TMEM255A: variants seen among roughly 807,000 people sequenced by gnomAD.
The protein encoded by TMEM255A is transmembrane protein 255A, also known as family with sequence similarity 70, member A.
A neutral mutation model predicts 23.5 loss-of-function variants in TMEM255A; 14 were observed. The ratio of observed to expected loss-of-function variants is 0.60; its 90% CI spans 0.39 to 0.93. The LOEUF is 0.93. TMEM255A is among the 40% of genes least tolerant of loss of function. The pLI is 0.00. For missense variants in TMEM255A, 233 were observed against 261.7 expected (o/e 0.89, Z 0.76); for synonymous variants, 104 against 100.3 (o/e 1.04, Z -0.22).
At chrX:120,279,608 A>G (rs892704528) in intron 6 of TMEM255A, among the ~76,000 whole-genome samples, 1 of 112,402 alleles carries the variant, frequency 8.9e-6, no homozygotes, top group Admixed American at 9.4e-5. Flanking sequence ...GTGGACTAGT[A>G]GTATATATAG....
chrX:120,253,196 A>G, the TMEM255A span, among the ~76,000 whole-genome samples: 27 of 112,113 alleles, frequency 2.4e-4, no homozygotes, highest in South Asian at 0.01. Flanking sequence ...CTCTGTAACA[A>G]TGTAAAACTT....
intron 6 of TMEM255A, among the ~76,000 whole-genome samples, chrX:120,283,775 G>A (rs1361910625): frequency 1.8e-5 from 2 of 111,051 alleles, no homozygotes; most frequent in Admixed American, 9.6e-5. Flanking sequence ...TATGGCCTGC[G>A]CTCTTGCAAT....
intron 5 of TMEM255A, chrX:120,286,007 A>G: frequency 1.1e-6 from 1 of 878,355 alleles, no homozygotes. Context: ...TTTTTTCTAT[A>G]TTGGGTCCTT....
intron 4 of TMEM255A, among the ~76,000 whole-genome samples, chrX:120,290,353 TG>T (rs1556022676): frequency 8.9e-6 from 1 of 111,778 alleles, no homozygotes; most frequent in Admixed American, 9.5e-5. Context: ...GTTTGTCAAA[TG>T]GGGATAATAA....
chrX:120,291,074 C>CT (rs2057911361), intron 4 of TMEM255A, among the ~76,000 whole-genome samples, 177 bp downstream of exon 4: 1 of 111,441 alleles, frequency 9.0e-6, no homozygotes, highest in African/African-American at 3.3e-5. Context: ...CTCTAGATGT[C>CT]CGCGTGTCCA....
intron 8 of TMEM255A, among the ~76,000 whole-genome samples, chrX:120,263,902 A>G (rs1030902528): frequency 1.8e-5 from 2 of 111,566 alleles, no homozygotes; most frequent in Non-Finnish European, 3.8e-5. Flanking sequence ...CCCTCCTAGG[A>G]TCAAAGCAAT....
At chrX:120,287,040 T>C (rs1171870222) in intron 5 of TMEM255A, 114 bp downstream of exon 5, 1 of 650,917 alleles carries the variant, frequency 1.5e-6, no homozygotes, top group African/African-American at 2.2e-5. Context: ...AAATCAGCTA[T>C]ACATACCTAG....
intron 4 of TMEM255A, among the ~76,000 whole-genome samples, 176 bp downstream of exon 4, chrX:120,291,075 C>T (rs1041459788): frequency 6.3e-5 from 7 of 111,336 alleles, no homozygotes; most frequent in African/African-American, 2.3e-4. Context: ...TCTAGATGTC[C>T]GCGTGTCCAT....
chrX:120,288,051 A>G (rs2057889566), intron 4 of TMEM255A, among the ~76,000 whole-genome samples: 1 of 111,367 alleles, frequency 9.0e-6, no homozygotes, highest in South Asian at 3.8e-4. Flanking sequence ...GGCTTCTTCC[A>G]AAGGCACCTT....
chrX:120,251,676 C>T, the TMEM255A span, among the ~76,000 whole-genome samples: 325 of 112,042 alleles, frequency 2.9e-3, 1 homozygote, highest in African/African-American at 9.8e-3. Flanking sequence ...TCCACCGTCA[C>T]CAGCTCCTCC....
intron 7 of TMEM255A, among the ~76,000 whole-genome samples, chrX:120,270,904 G>A (rs781984217): frequency 6.2e-4 from 69 of 111,554 alleles, no homozygotes; most frequent in Non-Finnish European, 1.3e-3. Context: ...AGGCTCACCT[G>A]AATGATGTTC....
At chrX:120,271,905 A>G (rs1382837672) in intron 7 of TMEM255A, among the ~76,000 whole-genome samples, 2 of 112,656 alleles carry the variant, frequency 1.8e-5, no homozygotes, top group East Asian at 5.5e-4. Context: ...TTCAAAGGCC[A>G]TTATCAAGAA....
downstream of TMEM255A, chrX:120,253,826 T>G (rs141587033): frequency 6.4e-4 from 769 of 1,209,259 alleles, 3 homozygotes; most frequent in Non-Finnish European, 1.2e-4. Context: ...ATACTGAGCC[T>G]TTACCTCCTG....
intron 6 of TMEM255A, among the ~76,000 whole-genome samples, chrX:120,277,586 T>C (rs2057807957): frequency 2.7e-5 from 3 of 111,206 alleles, no homozygotes; most frequent in Non-Finnish European, 5.7e-5. Flanking sequence ...CACAGTATCC[T>C]ATCAAATAGG....
chrX:120,296,473 T>C (rs1556024101), intron 2 of TMEM255A, among the ~76,000 whole-genome samples: 2 of 90,195 alleles, frequency 2.2e-5, no homozygotes, highest in Non-Finnish European at 4.2e-5. Flanking sequence ...CGTTCACTAC[T>C]AGCTTTATGT....
intron 2 of TMEM255A, among the ~76,000 whole-genome samples, chrX:120,298,599 T>A (rs2058013535): frequency 9.0e-6 from 1 of 111,109 alleles, no homozygotes; most frequent in African/African-American, 3.3e-5. Context: ...TTAGATAATA[T>A]GTGGTATATG....
At chrX:120,288,809 G>A (rs1375329652) in intron 4 of TMEM255A, among the ~76,000 whole-genome samples, 2 of 112,348 alleles carry the variant, frequency 1.8e-5, no homozygotes, top group Admixed American at 9.4e-5. Flanking sequence ...TTAATTTCAC[G>A]TTCATGCTAA....
chrX:120,302,456 C>G (rs1252071169), intron 2 of TMEM255A, among the ~76,000 whole-genome samples: 1 of 110,651 alleles, frequency 9.0e-6, no homozygotes, highest in Non-Finnish European at 1.9e-5. Context: ...TCCAAGCCAC[C>G]GAAATGCTAT....
chrX:120,299,278 G>A (rs782401287), intron 2 of TMEM255A, among the ~76,000 whole-genome samples: 13 of 111,504 alleles, frequency 1.2e-4, no homozygotes, highest in Non-Finnish European at 1.9e-4. Context: ...TGAGTAGCTG[G>A]GACTACAGGC....
Sources: gnomAD v4.1 joint callset for allele counts (sites outside exome capture counted in the v4.1 genomes callset) on GRCh38, gnomAD v4.1.1 for gene constraint, MANE v1.5 for transcripts, NCBI Gene and HGNC (gene_info 2026-07-23, HGNC 2026-07-21) for gene names.